Variants in PRKCZ observed in about 807,000 individuals in gnomAD.
PRKCZ encodes the protein protein kinase C zeta type.
PRKCZ carries 33 observed loss-of-function variants against 79.5 expected under a neutral mutation model. That is an observed-to-expected ratio of 0.41 (90% confidence interval 0.31 to 0.55). The LOEUF is 0.55. PRKCZ is among the 20% of genes least tolerant of loss of function. The pLI, the probability that PRKCZ is intolerant of heterozygous loss-of-function variation, is 0.19. For synonymous variants in PRKCZ, 342 were observed against 320.9 expected, an observed-to-expected ratio of 1.07 and a Z score of -0.70; for missense variants, 578 against 813.5, an observed-to-expected ratio of 0.71 and a Z score of 3.52.
intron 4 of PRKCZ, among the ~76,000 whole-genome samples, chr1:2,103,126 A>G (rs751284723): frequency 2.6e-5 from 4 of 152,066 alleles, no homozygotes; most frequent in African/African-American, 9.7e-5. Flanking sequence ...CGCCCGCCCA[A>G]AGTACTGGGA....
At chr1:2,107,707 G>C (rs920283219) in intron 4 of PRKCZ, among the ~76,000 whole-genome samples, 1 of 151,894 alleles carries the variant, frequency 6.6e-6, no homozygotes, top group Non-Finnish European at 1.5e-5. Flanking sequence ...CCCTCTACCC[G>C]GGCTGTGCCT....
rs1671765980 is a variant in PRKCZ, at chr1:2,120,933, C to G, written c.335-14329C>G. 2.0e-5 allele frequency among the ~76,000 whole-genome samples: 3 copies of G among 151,736 alleles called. 1 individual carries two copies. In the South Asian group the frequency reaches 6.2e-4, roughly 32 times the overall value. ...GGTTCAAGCAATATTCCTGCCCCAG[C>G]CTCCCAAGCAGCTGGGATTACAGGG... On this transcript the variant is annotated intron_variant, in intron 4 of 17. Coordinates refer to ENST00000378567, the MANE Select transcript of PRKCZ (RefSeq NM_002744.6).
chr1:2,052,135 C>T (rs530059050), intron 1 of PRKCZ, among the ~76,000 whole-genome samples: 1 of 152,186 alleles, frequency 6.6e-6, no homozygotes, highest in South Asian at 2.1e-4. Flanking sequence ...GGTGATGGTG[C>T]GGAGCTCAGG....
In PRKCZ at chr1:2,172,110, A is replaced by G; in HGVS notation, c.1117A>G (p.Ile373Val). The G allele has an allele frequency of 6.2e-7, 1 of 1,613,468 alleles. No individual in the cohort carries two copies. Among genetic ancestry groups the G allele is most frequent in the Non-Finnish European group, 8.5e-7 (1 of 1,179,966 alleles). ...CAACTTCCTGCACGAGAGGGGGATC[A>G]TCTACAGGGACCTGAAGCTGGACAA... is the stretch of plus-strand genomic sequence containing the variant. ...ALNFLHERGI[I>V]YRDLKLDNVL... The change falls in exon 12 of 18, where the codon ATC (isoleucine) becomes GTC (valine). Residue 373 changes from isoleucine to valine, a missense_variant. Transcript: ENST00000378567. This position sits in a 1 kb window ranked among gnomAD's most constrained non-coding sequence, Gnocchi z 7.8.
In PRKCZ at chr1:2,075,081, A is replaced by G. The variant is rs1342518130; in HGVS notation, c.334+15490A>G. ...CAGCAGACGCAGGGCTGCTCCGCAC[A>G]GCCAGCTTGGGCCGCAGGGGTCCTT... On this transcript the variant is annotated intron_variant, in intron 4 of 17. Coordinates refer to ENST00000378567, the MANE Select transcript of PRKCZ (RefSeq NM_002744.6). This position sits in a 1 kb window ranked among gnomAD's most constrained non-coding sequence, Gnocchi z 4.8. 2 of 152,248 alleles carry G rather than the reference A, an allele frequency of 1.3e-5. No homozygotes were observed. The highest frequency in any genetic ancestry group is 4.8e-5 in the African/African-American group (2 of 41,428). The allele number at this position is 152,248 out of a possible 1,614,324, so 9.4% of individuals were successfully genotyped here.
Position 2,175,274 on chromosome 1 carries a change from C to T in PRKCZ, c.1536C>T (p.Ile512=). The T allele has an allele frequency of 6.2e-7, 1 of 1,613,852 alleles. No individual in the cohort carries two copies. Among genetic ancestry groups the T allele is most frequent in the Non-Finnish European group, 8.5e-7 (1 of 1,179,938 alleles). The change falls in exon 16 of 18, where the codon ATC becomes ATT. Residue 512 remains isoleucine (I), a synonymous_variant. Transcript: ENST00000378567. ...GCRPQTGFSD[I]KSHAFFRSID... is the part of the protein sequence containing the mutation. ...GGCCACAGACTGGATTTTCTGACAT[C>T]AAGTCCCACGCGTTCTTCCGCAGCA...
chr1:2,177,353 C>T lies in PRKCZ; in HGVS notation c.1575+2040C>T, dbSNP rs116253512. On this transcript the variant is annotated intron_variant, in intron 16 of 17. Coordinates refer to ENST00000378567, the MANE Select transcript of PRKCZ (RefSeq NM_002744.6). This position sits in a 1 kb window ranked among gnomAD's most constrained non-coding sequence, Gnocchi z 6.4. ...TCGCCCGTCTCAGCTCAGTCTCCCC[C>T]GTGCCTTTCCCACCCTCTCTCTTCC... Among the ~76,000 whole-genome samples the T allele has an allele frequency of 7.2e-3, 1,096 of 152,296 alleles. 6 individuals are homozygous for T. The highest frequency in any genetic ancestry group is 0.011 in the Non-Finnish European group (756 of 68,024).
Position 2,097,980 on chromosome 1 carries a change from C to CT in PRKCZ, c.335-37281dup, listed in dbSNP as rs78774885. On this transcript the variant is annotated intron_variant, in intron 4 of 17. Transcript: ENST00000378567. ...CACAGTCTAAGCTAATTCCGATTGG[C>CT]TATTTTAAAGAGAGTAGCAGTACGA... Among the ~76,000 whole-genome samples, 394 of 152,246 alleles carry CT rather than the reference C, an allele frequency of 2.6e-3. 15 individuals carry two copies. The East Asian group carries it at 0.064, about 25-fold the overall frequency.
intron 4 of PRKCZ, among the ~76,000 whole-genome samples, chr1:2,093,210 ACCT>A (rs1433855511): frequency 4.0e-5 from 6 of 151,526 alleles, no homozygotes; most frequent in African/African-American, 9.8e-5. Context: ...CCTGAAAAGC[ACCT>A]CCTCCTGGTG....
Position 2,149,393 on chromosome 1 carries a change from C to T in PRKCZ, c.687+469C>T, listed in dbSNP as rs1019393495. The stretch of plus-strand genomic sequence containing the variant: ...TCTGTGGCCAGCTCTGCACCATAAA[C>T]CCTGAGAAGGGAACAGAAGAGCTTG... On this transcript the variant is annotated intron_variant, in intron 8 of 17. Coordinates refer to ENST00000378567, the MANE Select transcript of PRKCZ (RefSeq NM_002744.6). The surrounding 1 kb of genome is among the most constrained non-coding windows in gnomAD (Gnocchi z 4.1). 2.0e-5 allele frequency among the ~76,000 whole-genome samples: 3 copies of T among 152,234 alleles called. No individual in the cohort carries two copies. Among genetic ancestry groups the T allele is most frequent in the Non-Finnish European group, 4.4e-5 (3 of 68,034 alleles).
chr1:2,110,780 G>A (rs951725502), intron 4 of PRKCZ, among the ~76,000 whole-genome samples: 2 of 152,092 alleles, frequency 1.3e-5, no homozygotes, highest in African/African-American at 4.8e-5. Flanking sequence ...GGGGGCTGGG[G>A]TGGGGCTGGT....
chr1:2,073,830 G>A lies in PRKCZ; in HGVS notation c.334+14239G>A, dbSNP rs1276400148. On this transcript the variant is annotated intron_variant, in intron 4 of 17. Coordinates refer to ENST00000378567, the MANE Select transcript of PRKCZ (RefSeq NM_002744.6). The stretch of plus-strand genomic sequence containing the variant: ...TTGTCGGGGCCGGAGGCGAGCCGAC[G>A]CAGCATCAGCTCGTCAACGGGAAGG... The A allele has an allele frequency of 3.9e-6, 4 of 1,037,050 alleles. No homozygotes were observed. In the African/African-American group the frequency reaches 5.1e-5, roughly 13 times the overall value. 64.2% of individuals were successfully genotyped at this position (1,037,050 alleles called of 1,614,324 possible).
Position 2,141,016 on chromosome 1 carries a change from C to T in PRKCZ, c.421-3194C>T, listed in dbSNP as rs1024873393. 2.0e-5 allele frequency: 3 copies of T among 152,312 alleles called. 1 individual carries two copies. The highest frequency in any genetic ancestry group is 6.8e-3 in the Middle Eastern group (2 of 294). 9.4% of individuals were successfully genotyped at this position (152,312 alleles called of 1,614,324 possible). Reference sequence around the variant, plus strand: ...AGGAACAAGTTGGCAGCATGTAAGACGTACTTAAAACGTTTTTACCCATTA... The same window carrying T: ...AGGAACAAGTTGGCAGCATGTAAGATGTACTTAAAACGTTTTTACCCATTA... On this transcript the variant is annotated intron_variant, in intron 5 of 17. Coordinates refer to ENST00000378567, the MANE Select transcript of PRKCZ (RefSeq NM_002744.6).
chr1:2,140,221 C>T (rs1677041287), intron 5 of PRKCZ, among the ~76,000 whole-genome samples: 1 of 152,208 alleles, frequency 6.6e-6, no homozygotes, highest in Non-Finnish European at 1.5e-5. Flanking sequence ...GGCATCTGAG[C>T]TCGCAATGGA....
chr1:2,160,336 G>A (rs1331885003), intron 10 of PRKCZ, among the ~76,000 whole-genome samples: 2 of 152,162 alleles, frequency 1.3e-5, no homozygotes, highest in East Asian at 1.9e-4. Context: ...ACAGCAGAGA[G>A]TGACGTCCCT....
rs189592434 is a variant in PRKCZ, at chr1:2,119,869, C to T, written c.335-15393C>T. Among the ~76,000 whole-genome samples the T allele has an allele frequency of 2.7e-3, 410 of 151,502 alleles. 4 individuals are homozygous for T. Among genetic ancestry groups the T allele is most frequent in the African/African-American group, 9.3e-3 (385 of 41,182 alleles). ...TGGTGTGATTTTGGCTCACTGCAGC[C>T]TCCACCTCCCAGGTTCAAGCGATTC... On this transcript the variant is annotated intron_variant, in intron 4 of 17. Coordinates refer to ENST00000378567, the MANE Select transcript of PRKCZ (RefSeq NM_002744.6).
chr1:2,180,554 T>TGGACGCAC (rs1557755679), intron 16 of PRKCZ, among the ~76,000 whole-genome samples: 20 of 144,976 alleles, frequency 1.4e-4, no homozygotes, highest in African/African-American at 4.9e-4. Context: ...CGTGGATGCA[T>TGGACGCAC]GGACGACGTG....
chr1:2,154,258 G>A (rs545218949), intron 9 of PRKCZ, among the ~76,000 whole-genome samples: 23 of 152,222 alleles, frequency 1.5e-4, no homozygotes, highest in Admixed American at 1.1e-3. Flanking sequence ...TGAGATACCC[G>A]GGTGCACATG....
At chr1:2,135,685 T>A (rs1676048891) in intron 5 of PRKCZ, among the ~76,000 whole-genome samples, 1 of 152,216 alleles carries the variant, frequency 6.6e-6, no homozygotes, top group African/African-American at 2.4e-5. Flanking sequence ...TCCATCCGCA[T>A]GTAGCGCCAG....
Sources: allele counts gnomAD v4.1 joint callset (sites outside exome capture counted in the v4.1 genomes callset), GRCh38; gene constraint gnomAD v4.1.1; non-coding constraint Gnocchi (gnomAD v3.1); transcripts MANE v1.5; gene names NCBI Gene and HGNC (gene_info 2026-07-23, HGNC 2026-07-21).